LETMD1: variants seen among roughly 807,000 people sequenced by gnomAD.
LETMD1 encodes LETM1 domain containing 1.
LETMD1 carries 30 observed loss-of-function variants against 43.9 expected under a neutral mutation model. That is an observed-to-expected ratio of 0.68 (90% CI 0.51 to 0.93). LETMD1 has a LOEUF of 0.93. LETMD1 is among the 40% of genes least tolerant of loss of function. The pLI, the probability that LETMD1 is intolerant of heterozygous loss-of-function variation, is 0.00. For synonymous variants in LETMD1, 176 were observed against 163.1 expected, an observed-to-expected ratio of 1.08 and a Z score of -0.60; for missense variants, 413 against 447.7, an observed-to-expected ratio of 0.92 and a Z score of 0.70.
At chr12:51,063,955 C>T, downstream of LETMD1, 1 of 1,613,026 alleles carries the variant, frequency 6.2e-7, no homozygotes, top group African/African-American at 1.3e-5. Flanking sequence ...GTTTTCCCCA[C>T]CTCTGATTTA....
At chr12:51,064,402 G>A (rs1029000388), downstream of LETMD1, 2 of 1,613,912 alleles carry the variant, frequency 1.2e-6, no homozygotes, top group South Asian at 1.1e-5. Context: ...CTCTGCAGGT[G>A]CATCACTGCT....
At chr12:51,053,535 C>T (rs1946761059) in intron 3 of LETMD1, among the ~76,000 whole-genome samples, 1 of 152,076 alleles carries the variant, frequency 6.6e-6, no homozygotes, top group Admixed American at 6.6e-5. Context: ...CCCAGCTACT[C>T]GGGTGGCTGA....
chr12:51,057,570 C>T (rs1454215067), intron 7 of LETMD1: 1 of 185,278 alleles, frequency 5.4e-6, no homozygotes, highest in Non-Finnish European at 1.1e-5. Flanking sequence ...TCATCTTGTC[C>T]ATCACTAGTT....
In LETMD1 at chr12:51,048,803, T is replaced by A. The variant is rs1945097921; in HGVS notation, c.123-231T>A. The stretch of plus-strand genomic sequence containing the variant: ...GCAGTTCAAATTGTCCCACAGGCAT[T>A]GCGCTCTCTCCAGAGGCATACCCTG... On this transcript the variant is annotated intron_variant, in intron 1 of 8. Coordinates refer to ENST00000262055, the MANE Select transcript of LETMD1 (RefSeq NM_015416.5). The A allele has an allele frequency of 8.4e-6, 5 of 593,834 alleles. No individual in the cohort carries two copies. In the East Asian group the frequency reaches 1.4e-4, roughly 17 times the overall value. The allele number at this position is 593,834 out of a possible 1,614,324, so 36.8% of individuals were successfully genotyped here. A position where few individuals can be genotyped will look rare whatever the true frequency, so the allele number is the denominator to read the frequency against.
In LETMD1 at chr12:51,053,758, CTG is replaced by C. The variant is rs1946837928; in HGVS notation, c.391-16_391-15del. The C allele has an allele frequency of 6.4e-7, 1 of 1,570,034 alleles. No individual in the cohort carries two copies. Among genetic ancestry groups the C allele is most frequent in the Non-Finnish European group, 8.8e-7 (1 of 1,142,630 alleles). ...CAACTTATTTGGGTTAAAACTGCATCTGTGTTTATTTCTGCTTAGTTCCGCCA... is the reference window on the plus strand; with the variant it reads ...CAACTTATTTGGGTTAAAACTGCATCTGTTTATTTCTGCTTAGTTCCGCCA... On this transcript the variant is annotated intron_variant, in intron 3 of 8. Transcript: ENST00000262055.
chr12:51,053,005 G>A (rs748600947), intron 3 of LETMD1, among the ~76,000 whole-genome samples: 3 of 151,734 alleles, frequency 2.0e-5, no homozygotes, highest in Non-Finnish European at 2.9e-5. Flanking sequence ...CCAGCTACTC[G>A]GGAGGCTGAG....
intron 8 of LETMD1, 142 bp from the exon 9 acceptor site, chr12:51,059,217 CAA>C: frequency 3.0e-6 from 2 of 659,908 alleles, no homozygotes; most frequent in Non-Finnish European, 2.7e-6. Flanking sequence ...GGGGCTGAAA[CAA>C]AGAAGGGGAA....
At chr12:51,066,688 A>G in the LETMD1 span, among the ~76,000 whole-genome samples, 3 of 151,876 alleles carry the variant, frequency 2.0e-5, no homozygotes, top group African/African-American at 7.3e-5. Context: ...TCTCTTTCAG[A>G]TAACTATGGT....
rs184714693 is a variant in LETMD1 at position 51,049,203 on chromosome 12, A to G, written c.274+18A>G. On this transcript the variant is annotated intron_variant, in intron 2 of 8. Transcript: ENST00000262055. The stretch of plus-strand genomic sequence containing the variant: ...CATGAAAGGTAAAAACGAAACTACA[A>G]TAGAAATTCCGGAATCAGCTCTTGG... The G allele has an allele frequency of 5.9e-5, 94 of 1,601,816 alleles. No individual in the cohort carries two copies. The highest frequency in any genetic ancestry group is 4.0e-4 in the South Asian group (36 of 90,216).
chr12:51,058,452 C>T (rs559407986), intron 8 of LETMD1: 56 of 248,376 alleles, frequency 2.3e-4, no homozygotes, highest in South Asian at 8.9e-4. Flanking sequence ...GGGTTTCGCT[C>T]TTGTTGCCCA....
rs188838914 is a variant in LETMD1 at position 51,053,219 on chromosome 12, C to T, written c.391-559C>T. Among the ~76,000 whole-genome samples the T allele has an allele frequency of 3.1e-4, 47 of 152,186 alleles. No individual in the cohort carries two copies. The East Asian group carries it at 4.1e-3, about 13-fold the overall frequency. On this transcript the variant is annotated intron_variant, in intron 3 of 8. Transcript: ENST00000262055. ...GAGAGTAAGAATCTAGGACCCATTC[C>T]GCAGATCAGGAAGAGTTCACTGAAG...
downstream of LETMD1, chr12:51,062,142 G>C (rs1937632692): frequency 1.3e-5 from 2 of 152,178 alleles, no homozygotes; most frequent in African/African-American, 4.8e-5. Context: ...TCAGAGTTTA[G>C]AGACTTCAGG....
intron 4 of LETMD1, among the ~76,000 whole-genome samples, chr12:51,055,013 T>C (rs980680251): frequency 1.3e-5 from 2 of 151,768 alleles, no homozygotes; most frequent in African/African-American, 4.8e-5. Context: ...GGCAGTAGAA[T>C]CGCATGAACC....
chr12:51,066,535 G>C, the LETMD1 span, among the ~76,000 whole-genome samples: 1 of 151,844 alleles, frequency 6.6e-6, no homozygotes, highest in Non-Finnish European at 1.5e-5. Flanking sequence ...CAGCTACTTG[G>C]GAGGCTGAGG....
At chr12:51,063,659 T>C, downstream of LETMD1, 1 of 1,041,500 alleles carries the variant, frequency 9.6e-7, no homozygotes, top group Non-Finnish European at 1.3e-6. Context: ...GAGCAGCAGC[T>C]GCTTCTACAG....
intron 2 of LETMD1, among the ~76,000 whole-genome samples, chr12:51,050,581 A>G (rs900038058): frequency 2.0e-5 from 3 of 152,096 alleles, no homozygotes; most frequent in African/African-American, 7.2e-5. Context: ...ACAAACTTCC[A>G]TGTATTAACC....
Position 51,059,346 on chromosome 12 carries a change from A to C in LETMD1, c.1013-15A>C. The C allele has an allele frequency of 6.2e-7, 1 of 1,613,738 alleles. No individual in the cohort carries two copies. Among genetic ancestry groups the C allele is most frequent in the Non-Finnish European group, 8.5e-7 (1 of 1,179,606 alleles). On this transcript the variant is annotated splice_polypyrimidine_tract_variant and intron_variant, in intron 8 of 8. Transcript: ENST00000262055. ...GCAGTGTTCCCAAGCCAAACCACTA[A>C]CACTGTGTTTTCAGAAGCTGAGCTG...
downstream of LETMD1, among the ~76,000 whole-genome samples, chr12:51,064,891 G>A (rs1218562914): frequency 6.6e-6 from 1 of 152,208 alleles, no homozygotes; most frequent in Non-Finnish European, 1.5e-5. Flanking sequence ...AATTAGTGGT[G>A]TGACCTCAAG....
chr12:51,056,630 CATTT>C (rs1372654382), intron 7 of LETMD1, 128 bp downstream of exon 7: 18 of 713,364 alleles, frequency 2.5e-5, no homozygotes, highest in African/African-American at 7.2e-5. Context: ...TCTCTCACTT[CATTT>C]ATTTATTTAT....
Sources: allele counts gnomAD v4.1 joint callset (sites outside exome capture counted in the v4.1 genomes callset), GRCh38; gene constraint gnomAD v4.1.1; transcripts MANE v1.5; gene names NCBI Gene and HGNC (gene_info 2026-07-23, HGNC 2026-07-21).